CRACR2A: variants seen among roughly 807,000 people sequenced by gnomAD.
CRACR2A encodes calcium release activated channel regulator 2A.
CRACR2A carries 79 observed loss-of-function variants against 90.5 expected under a neutral mutation model. The observed-to-expected ratio is 0.87, with a 90% CI of 0.73 to 1.05. CRACR2A has a LOEUF of 1.05. Among genes scored for constraint, CRACR2A ranks in the 50% least tolerant of loss-of-function variants. The probability of loss-of-function intolerance (pLI) is 0.00; values close to 1 mark genes in which losing one functional copy is unlikely to be tolerated. For synonymous variants in CRACR2A, 338 were observed against 356.7 expected (o/e 0.95, Z 0.59); for missense variants, 823 against 897.2 (o/e 0.92, Z 1.06).
Position 3,746,253 on chromosome 12 carries a change from T to C in CRACR2A, c.-387+6762A>G, listed in dbSNP as rs61908605. ...CCCTAACTCTCAATGTGATGGTATT[T>C]GGAGGTGAGGACTTTAGGAGGTGAT... On this transcript the variant is annotated intron_variant, in intron 1 of 19. Coordinates refer to ENST00000440314, the MANE Select transcript of CRACR2A (RefSeq NM_001144958.2). This position sits in a 1 kb window ranked among gnomAD's most constrained non-coding sequence, Gnocchi z 4.4. 0.11 allele frequency among the ~76,000 whole-genome samples: 17,128 copies of C among 152,160 alleles called. 1,048 individuals are homozygous for C. The highest frequency in any genetic ancestry group is 0.2 in the Middle Eastern group (58 of 294).
chr12:3,718,748 A>G (rs912571577), intron 2 of CRACR2A, among the ~76,000 whole-genome samples: 2 of 152,244 alleles, frequency 1.3e-5, no homozygotes, highest in Non-Finnish European at 2.9e-5. Context: ...CAAGTGGCTC[A>G]TGTTGCATTT....
At chr12:3,736,947 G>GCAA (rs1318969162) in intron 1 of CRACR2A, among the ~76,000 whole-genome samples, 2 of 152,182 alleles carry the variant, frequency 1.3e-5, no homozygotes, top group African/African-American at 4.8e-5. Flanking sequence ...TCTCCAATAA[G>GCAA]CAACAGCTAT....
intron 10 of CRACR2A, among the ~76,000 whole-genome samples, chr12:3,650,258 C>T (rs1016580055): frequency 6.6e-6 from 1 of 152,234 alleles, no homozygotes; most frequent in African/African-American, 2.4e-5. Flanking sequence ...TGCTGGCCCA[C>T]AGGACTCTCC....
At chr12:3,726,432 T>C (rs1394804838) in intron 2 of CRACR2A, 1 of 152,092 alleles carries the variant, frequency 6.6e-6, no homozygotes, top group Non-Finnish European at 1.5e-5. Context: ...CACCTACCTA[T>C]AATGGTTAAG....
At chr12:3,621,679 A>AAAAAAAAAAAAAAAAAAAAAAAAAAAG in intron 17 of CRACR2A, among the ~76,000 whole-genome samples, 1 of 140,370 alleles carries the variant, frequency 7.1e-6, no homozygotes, top group South Asian at 2.3e-4. Context: ...AAAAAAAAAA[A>AAAAAAAAAAAAAAAAAAAAAAAAAAAG]AACCAAAGCA....
intron 12 of CRACR2A, among the ~76,000 whole-genome samples, chr12:3,643,110 T>C (rs138943481): frequency 3.3e-4 from 50 of 152,300 alleles, no homozygotes; most frequent in African/African-American, 1.2e-3. Context: ...AAATTCAGTG[T>C]TACTTCTAAA....
Position 3,638,568 on chromosome 12 carries a change from C to T in CRACR2A, c.1272-114G>A, listed in dbSNP as rs1032376386. 100 of 1,228,594 alleles carry T rather than the reference C, an allele frequency of 8.1e-5. No individual in the cohort carries two copies. The African/African-American group carries it at 1.3e-3, about 16-fold the overall frequency. 76.1% of individuals were successfully genotyped at this position (1,228,594 alleles called of 1,614,324 possible). On this transcript the variant is annotated intron_variant, in intron 13 of 19. Coordinates refer to ENST00000440314, the MANE Select transcript of CRACR2A (RefSeq NM_001144958.2). Reference sequence around the variant, plus strand: ...ACCCAAGGAGCATCACACCTTTGGACAAGAGCAGTCCGGGAGAGGGAAAAA... The same window carrying T: ...ACCCAAGGAGCATCACACCTTTGGATAAGAGCAGTCCGGGAGAGGGAAAAA...
At chr12:3,726,145 A>C (rs1476010475) in intron 2 of CRACR2A, 2 of 152,122 alleles carry the variant, frequency 1.3e-5, no homozygotes, top group Non-Finnish European at 2.9e-5. Context: ...TTTTAATAAA[A>C]GGATAAAAAG....
At chr12:3,643,803 TATTA>T (rs1331954148) in intron 12 of CRACR2A, among the ~76,000 whole-genome samples, 2 of 109,308 alleles carry the variant, frequency 1.8e-5, no homozygotes, top group South Asian at 2.4e-4. Context: ...ATATAATATA[TATTA>T]TATATATATT....
At chr12:3,688,848 C>A (rs1004432232) in intron 4 of CRACR2A, among the ~76,000 whole-genome samples, 1 of 152,170 alleles carries the variant, frequency 6.6e-6, no homozygotes, top group South Asian at 2.1e-4. Context: ...TTGTTTGTGT[C>A]ATCTCTGATT....
At chr12:3,636,545 C>T (rs1398698867) in intron 14 of CRACR2A, among the ~76,000 whole-genome samples, 1 of 152,242 alleles carries the variant, frequency 6.6e-6, no homozygotes, top group African/African-American at 2.4e-5. Flanking sequence ...CATCAGATAG[C>T]GGTGAGGATA....
chr12:3,698,799 T>C (rs1376877932), intron 3 of CRACR2A, among the ~76,000 whole-genome samples: 1 of 152,220 alleles, frequency 6.6e-6, no homozygotes, highest in Non-Finnish European at 1.5e-5. Flanking sequence ...TCAGCCCGCC[T>C]GCATGAAGTG....
chr12:3,737,333 T>C (rs751884542), intron 1 of CRACR2A, among the ~76,000 whole-genome samples: 3 of 152,072 alleles, frequency 2.0e-5, no homozygotes, highest in Non-Finnish European at 4.4e-5. Flanking sequence ...ACAATCCTAA[T>C]GTGGAAGAGA....
chr12:3,715,351 A>G (rs1164063705), intron 2 of CRACR2A, among the ~76,000 whole-genome samples: 1 of 152,264 alleles, frequency 6.6e-6, no homozygotes, highest in Non-Finnish European at 1.5e-5. Flanking sequence ...GTCACTGAGT[A>G]CAACCAAGGT....
At chr12:3,631,311 A>G (rs1591640145) in intron 15 of CRACR2A, among the ~76,000 whole-genome samples, 1 of 152,078 alleles carries the variant, frequency 6.6e-6, no homozygotes, top group East Asian at 1.9e-4. Context: ...TTCAGAGCCT[A>G]CCATCTCAGG....
At chr12:3,700,606 A>G (rs1311626361) in intron 3 of CRACR2A, among the ~76,000 whole-genome samples, 2 of 152,274 alleles carry the variant, frequency 1.3e-5, no homozygotes, top group African/African-American at 4.8e-5. Context: ...GAAGGATATT[A>G]GCGGGAATTA....
chr12:3,694,342 T>C (rs900569472), intron 4 of CRACR2A, among the ~76,000 whole-genome samples: 7 of 152,266 alleles, frequency 4.6e-5, no homozygotes, highest in Non-Finnish European at 8.8e-5. Flanking sequence ...CCCTCCCACA[T>C]GGCCTGCAGC....
chr12:3,698,579 C>T (rs1008805338), intron 3 of CRACR2A, among the ~76,000 whole-genome samples: 8 of 152,236 alleles, frequency 5.3e-5, no homozygotes, highest in African/African-American at 1.2e-4. Flanking sequence ...CCCTTTGCTC[C>T]GTGTGGCTGA....
At chr12:3,702,934 C>A (rs1046651785) in intron 3 of CRACR2A, among the ~76,000 whole-genome samples, 3 of 152,150 alleles carry the variant, frequency 2.0e-5, no homozygotes, top group African/African-American at 7.2e-5. Context: ...CATAAAGACA[C>A]ACAAACAGAT....
Sources: allele counts gnomAD v4.1 joint callset (sites outside exome capture counted in the v4.1 genomes callset), GRCh38; gene constraint gnomAD v4.1.1; non-coding constraint Gnocchi (gnomAD v3.1); transcripts MANE v1.5; gene names NCBI Gene and HGNC (gene_info 2026-07-23, HGNC 2026-07-21).